Variants in CHRNG observed in about 807,000 individuals in gnomAD.
CHRNG encodes the protein acetylcholine receptor subunit gamma.
CHRNG carries 72 observed loss-of-function variants against 65.2 expected under a neutral mutation model. The ratio of observed to expected loss-of-function variants is 1.10; its 90% CI spans 0.91 to 1.34. The LOEUF is 1.34. CHRNG is among the 40% of genes most tolerant of loss of function. The pLI is 0.00. For synonymous variants in CHRNG, 284 were observed against 290.2 expected (o/e 0.98, Z 0.22); for missense variants, 637 against 680.1 (o/e 0.94, Z 0.70).
At chr2:232,544,336 T>C (rs2106222731) in intron 9 of CHRNG, 31 bp from the exon 10 acceptor site, 1 of 1,555,202 alleles carries the variant, frequency 6.4e-7, no homozygotes, top group Non-Finnish European at 8.9e-7. Context: ...AAGCTCGGCC[T>C]GCTGCCCTAG....
In CHRNG at chr2:232,540,271, G is replaced by C; in HGVS notation, c.196-110G>C. 1 of 1,598,080 alleles carries C rather than the reference G, an allele frequency of 6.3e-7. No homozygotes were observed. On this transcript the variant is annotated intron_variant, in intron 2 of 11. Transcript: ENST00000651502. The surrounding 1 kb of genome is among the most constrained non-coding windows in gnomAD (Gnocchi z 4.2). ...GGTCTGGAAAACCCCCATGGTTGTG[G>C]GGGGAGTACTATCAAGAGGCTGGGG...
intron 5 of CHRNG, 145 bp from the exon 6 acceptor site, chr2:232,542,278 A>G (rs1450945080): frequency 1.5e-6 from 1 of 678,290 alleles, no homozygotes; most frequent in Non-Finnish European, 2.7e-6. Flanking sequence ...ATATCTCGCC[A>G]GTGGGGTTTT....
At position 232,541,969 on chromosome 2, in the gene CHRNG, G is replaced by T. The variant is rs966651993; in HGVS notation, c.506+440G>T. The stretch of plus-strand genomic sequence containing the variant: ...GCCACCCCTGGGGGTCTCTGGGTCT[G>T]TTTCCTCAAACCTAAGTGTGGGGAG... On this transcript the variant is annotated intron_variant, in intron 5 of 11. Transcript: ENST00000651502. This position sits in a 1 kb window ranked among gnomAD's most constrained non-coding sequence, Gnocchi z 4.0. The T allele has an allele frequency of 9.2e-6, 3 of 325,876 alleles. No individual in the cohort carries two copies. The highest frequency in any genetic ancestry group is 1.8e-5 in the Non-Finnish European group (3 of 171,032). 20.2% of individuals were successfully genotyped at this position (325,876 alleles called of 1,614,324 possible).
chr2:232,543,454 C>T, intron 8 of CHRNG, 65 bp downstream of exon 8: 1 of 1,313,800 alleles, frequency 7.6e-7, no homozygotes, highest in East Asian at 2.4e-5. Flanking sequence ...TGATGGCCTC[C>T]TGCATTGCCC....
In CHRNG at chr2:232,540,273, G is replaced by T; in HGVS notation, c.196-108G>T. On this transcript the variant is annotated intron_variant, in intron 2 of 11. Transcript: ENST00000651502. This position sits in a 1 kb window ranked among gnomAD's most constrained non-coding sequence, Gnocchi z 4.2. ...TCTGGAAAACCCCCATGGTTGTGGG[G>T]GGAGTACTATCAAGAGGCTGGGGGA... The T allele has an allele frequency of 6.3e-7, 1 of 1,598,474 alleles. No homozygotes were observed. Among genetic ancestry groups the T allele is most frequent in the East Asian group, 2.2e-5 (1 of 44,778 alleles).
chr2:232,545,373 C>A (rs1351193575), intron 11 of CHRNG, among the ~76,000 whole-genome samples, 170 bp from the exon 12 acceptor site: 1 of 151,710 alleles, frequency 6.6e-6, no homozygotes, highest in Non-Finnish European at 1.5e-5. Context: ...AGGGGGGGCA[C>A]CTCAGGGCCA....
At position 232,543,604 on chromosome 2, in the gene CHRNG, G is replaced by A. The variant is rs1559304518; in HGVS notation, c.940G>A (p.Val314Met). ...LISKYLTFLL[V>M]VTILIVVNAV... ...TGACAGGTACCTGACCTTCCTCCTG[G>A]TGGTGACCATCCTCATTGTCGTGAA... is the stretch of plus-strand genomic sequence containing the variant. Residue 314 changes from valine to methionine, a missense_variant, in exon 9 of 12, where the codon GTG becomes ATG. Physicochemically the swap from Val to Met is conservative, Grantham distance 21. Coordinates refer to ENST00000651502, the MANE Select transcript of CHRNG (RefSeq NM_005199.5). 4 of 1,612,526 alleles carry A rather than the reference G, an allele frequency of 2.5e-6. No individual in the cohort carries two copies. Among genetic ancestry groups the A allele is most frequent in the Non-Finnish European group, 3.4e-6 (4 of 1,178,588 alleles).
At chr2:232,543,750 C>T (rs758713523) in intron 9 of CHRNG, 51 bp downstream of exon 9, 3 of 1,131,604 alleles carry the variant, frequency 2.7e-6, no homozygotes, top group South Asian at 2.5e-5. Context: ...CTCCCCTACG[C>T]CTCCCTCTCG....
At position 232,539,819 on chromosome 2, in the gene CHRNG, T is replaced by A. The variant is rs1385087998; in HGVS notation, c.55+17T>A. ...TCTGCCTGGGTGGGACACAAAGGAATCTCAGCCTGGGGAGTCCCAGAGCTG... is the reference window on the plus strand; with the variant it reads ...TCTGCCTGGGTGGGACACAAAGGAAACTCAGCCTGGGGAGTCCCAGAGCTG... On this transcript the variant is annotated intron_variant, in intron 1 of 11. Transcript: ENST00000651502. The A allele has an allele frequency of 1.2e-6, 2 of 1,613,514 alleles. No homozygotes were observed. The highest frequency in any genetic ancestry group is 1.7e-6 in the Non-Finnish European group (2 of 1,179,954).
In CHRNG at chr2:232,541,433, G is replaced by GT; in HGVS notation, c.411dup (p.Ile138TyrfsTer40). ...AATGTGCTCGTGTCCCCTGACGGCT[G>GT]TATCTACTGGCTGCCGCCTGCCATC... On this transcript the variant is annotated frameshift_variant, in exon 5 of 12. Transcript: ENST00000651502. LOFTEE classifies it high-confidence loss of function. This position sits in a 1 kb window ranked among gnomAD's most constrained non-coding sequence, Gnocchi z 4.0. The GT allele has an allele frequency of 6.2e-7, 1 of 1,614,144 alleles. No individual in the cohort carries two copies. The highest frequency in any genetic ancestry group is 1.1e-5 in the South Asian group (1 of 91,084).
At chr2:232,544,666 G>C in intron 10 of CHRNG, 86 bp downstream of exon 10, 1 of 1,567,556 alleles carries the variant, frequency 6.4e-7, no homozygotes, top group Non-Finnish European at 8.8e-7. Flanking sequence ...TGCTGGAGAA[G>C]TGCCCAGGTC....
In CHRNG at chr2:232,541,712, C is replaced by T; in HGVS notation, c.506+183C>T. 4.4e-6 allele frequency: 3 copies of T among 685,530 alleles called. No individual in the cohort carries two copies. Among genetic ancestry groups the T allele is most frequent in the Non-Finnish European group, 2.5e-6 (1 of 398,560 alleles). 42.5% of individuals were successfully genotyped at this position (685,530 alleles called of 1,614,324 possible). A position where few individuals can be genotyped will look rare whatever the true frequency, so the allele number is the denominator to read the frequency against. ...ACACCTGAAGGTGCCCAAGCTCTCC[C>T]TGCTAAGCCCGAGTCCCCTCACTCA... On this transcript the variant is annotated intron_variant, in intron 5 of 11. Coordinates refer to ENST00000651502, the MANE Select transcript of CHRNG (RefSeq NM_005199.5). The surrounding 1 kb of genome is among the most constrained non-coding windows in gnomAD (Gnocchi z 4.0).
intron 7 of CHRNG, 72 bp downstream of exon 7, chr2:232,543,154 C>A: frequency 6.4e-7 from 1 of 1,552,354 alleles, no homozygotes; most frequent in Non-Finnish European, 8.9e-7. Context: ...TGGGCCCTGC[C>A]TGGGGAACAG....
rs1229998709 is a variant in CHRNG at position 232,546,379 on chromosome 2, C to T, written c.*663C>T. ...TGTTTAGTTTTGAGATAGAGCCTCA[C>T]TCTTGTCATGCAAGTTGGAGTGGAG... On this transcript the variant is annotated 3_prime_UTR_variant, in exon 12 of 12. Coordinates refer to ENST00000651502, the MANE Select transcript of CHRNG (RefSeq NM_005199.5). 1.3e-5 allele frequency: 2 copies of T among 153,816 alleles called. No individual in the cohort carries two copies. The highest frequency in any genetic ancestry group is 2.8e-5 in the Non-Finnish European group (2 of 70,256). 9.5% of individuals were successfully genotyped at this position (153,816 alleles called of 1,614,324 possible).
At position 232,542,475 on chromosome 2, in the gene CHRNG, G is replaced by A; in HGVS notation, c.559G>A (p.Gly187Ser). 1 of 1,613,946 alleles carries A rather than the reference G, an allele frequency of 6.2e-7. No individual in the cohort carries two copies. The highest frequency in any genetic ancestry group is 8.5e-7 in the Non-Finnish European group (1 of 1,179,934). ...EIDLQLSQED[G>S]QTIEWIFIDP... Reference sequence around the variant, plus strand: ...TGATCTGCAGCTGAGTCAGGAAGATGGCCAGACCATCGAGTGGATTTTCAT... The same window carrying A: ...TGATCTGCAGCTGAGTCAGGAAGATAGCCAGACCATCGAGTGGATTTTCAT... Residue 187 changes from glycine to serine, a missense_variant, in exon 6 of 12, where the codon GGC (glycine) becomes AGC (serine). Coordinates refer to ENST00000651502, the MANE Select transcript of CHRNG (RefSeq NM_005199.5).
chr2:232,542,537 G>A lies in CHRNG; in HGVS notation c.604+17G>A. 6.4e-7 allele frequency: 1 copy of A among 1,568,480 alleles called. No homozygotes were observed. Among genetic ancestry groups the A allele is most frequent in the Non-Finnish European group, 8.8e-7 (1 of 1,139,184 alleles). ...CCTTCACAGGTAACCCCCACCCAAGGGCTCCCCAGGCAGCCTCATCCAGGG... is the reference window on the plus strand; with the variant it reads ...CCTTCACAGGTAACCCCCACCCAAGAGCTCCCCAGGCAGCCTCATCCAGGG... On this transcript the variant is annotated intron_variant, in intron 6 of 11. Coordinates refer to ENST00000651502, the MANE Select transcript of CHRNG (RefSeq NM_005199.5).
Position 232,541,328 on chromosome 2 carries a change from G to A in CHRNG, c.351-46G>A, listed in dbSNP as rs1692010681. 1 of 1,613,002 alleles carries A rather than the reference G, an allele frequency of 6.2e-7. No homozygotes were observed. The highest frequency in any genetic ancestry group is 8.5e-7 in the Non-Finnish European group (1 of 1,179,520). On this transcript the variant is annotated intron_variant, in intron 4 of 11. Coordinates refer to ENST00000651502, the MANE Select transcript of CHRNG (RefSeq NM_005199.5). The surrounding 1 kb of genome is among the most constrained non-coding windows in gnomAD (Gnocchi z 4.0). ...GGCTGGTCTGGGGCTGGGGTGTCGGGGGCTGAGCCCACAGCCTCGTGGCCT... is the reference window on the plus strand; with the variant it reads ...GGCTGGTCTGGGGCTGGGGTGTCGGAGGCTGAGCCCACAGCCTCGTGGCCT...
At position 232,539,794 on chromosome 2, in the gene CHRNG, T is replaced by G. The variant is rs1574642716; in HGVS notation, c.47T>G (p.Val16Gly). ...CTGCTCCTCCTGCTGCTGCTGGCTG[T>G]CTGCCTGGGTGGGACACAAAGGAAT... ...GPLLLLLLLA[V>G]CLGAQGRNQE... Residue 16 changes from valine (V) to glycine (G), a missense_variant, in exon 1 of 12, where the codon GTC becomes GGC. By Grantham distance (109) the Val-to-Gly change is moderately radical. Transcript: ENST00000651502. The G allele has an allele frequency of 1.2e-6, 2 of 1,613,854 alleles. No individual in the cohort carries two copies. The highest frequency in any genetic ancestry group is 1.7e-6 in the Non-Finnish European group (2 of 1,179,982).
At chr2:232,543,763 C>A in intron 9 of CHRNG, 64 bp downstream of exon 9, 2 of 992,254 alleles carry the variant, frequency 2.0e-6, no homozygotes, top group Non-Finnish European at 3.2e-6. Flanking sequence ...CCCTCTCGCA[C>A]GCCCCGGCAG....
Sources: allele counts gnomAD v4.1 joint callset (sites outside exome capture counted in the v4.1 genomes callset), GRCh38; gene constraint gnomAD v4.1.1; non-coding constraint Gnocchi (gnomAD v3.1); transcripts MANE v1.5; gene names NCBI Gene and HGNC (gene_info 2026-07-23, HGNC 2026-07-21).